Variants in DACH2 observed in about 807,000 individuals in gnomAD.
DACH2 encodes the protein dachshund homolog 2.
A neutral mutation model predicts 35.8 loss-of-function variants in DACH2; 17 were observed. The observed-to-expected ratio is 0.48, with a 90% CI of 0.33 to 0.71. DACH2 has a LOEUF of 0.71. DACH2 is among the 30% of genes least tolerant of loss of function. The pLI, the probability that DACH2 is intolerant of heterozygous loss-of-function variation, is 0.02. For synonymous variants in DACH2, 195 were observed against 177.3 expected (o/e 1.10, Z -0.79); for missense variants, 469 against 472.7 (o/e 0.99, Z 0.07).
chrX:86,195,774 G>C (rs2147896342), intron 1 of DACH2, among the ~76,000 whole-genome samples: 1 of 111,243 alleles, frequency 9.0e-6, no homozygotes, highest in Non-Finnish European at 1.9e-5. Context: ...CAAAGTCAGG[G>C]CCCAATACAA....
chrX:86,325,306 G>T (rs1194932127), intron 1 of DACH2, among the ~76,000 whole-genome samples: 1 of 111,381 alleles, frequency 9.0e-6, no homozygotes, highest in African/African-American at 3.3e-5. Context: ...TATGCCACAG[G>T]TTCCACCAGA....
chrX:86,496,144 TTA>T (rs1339577094), intron 2 of DACH2, among the ~76,000 whole-genome samples: 1 of 111,678 alleles, frequency 9.0e-6, no homozygotes, highest in East Asian at 2.8e-4. Flanking sequence ...ATAACTATTA[TTA>T]TCATTGATTT....
intron 4 of DACH2, among the ~76,000 whole-genome samples, chrX:86,688,051 G>A (rs1275928804): frequency 9.0e-6 from 1 of 110,769 alleles, no homozygotes; most frequent in Non-Finnish European, 1.9e-5. Context: ...TAAAAAAAAA[G>A]AAAGAAAGAA....
At chrX:86,552,149 A>G (rs1260349102) in intron 3 of DACH2, among the ~76,000 whole-genome samples, 1 of 111,571 alleles carries the variant, frequency 9.0e-6, no homozygotes, top group East Asian at 2.8e-4. Context: ...TTGTAACCTT[A>G]TTACTGACTC....
At chrX:86,224,724 C>T (rs1412808889) in intron 1 of DACH2, among the ~76,000 whole-genome samples, 1 of 111,135 alleles carries the variant, frequency 9.0e-6, no homozygotes, top group South Asian at 3.7e-4. Context: ...AATCCTATTC[C>T]TGAAATGATG....
chrX:86,257,447 CT>C (rs1346379702), intron 1 of DACH2, among the ~76,000 whole-genome samples: 27 of 105,644 alleles, frequency 2.6e-4, no homozygotes, highest in Non-Finnish European at 2.0e-4. Flanking sequence ...GAACCAATTT[CT>C]TTTTTTTTTT....
intron 3 of DACH2, among the ~76,000 whole-genome samples, chrX:86,617,596 C>A (rs1230279258): frequency 9.0e-6 from 1 of 111,023 alleles, no homozygotes; most frequent in African/African-American, 3.3e-5. Flanking sequence ...CTTTTTTTTA[C>A]AAATATTGGT....
chrX:86,756,731 C>A (rs12687284), intron 7 of DACH2, among the ~76,000 whole-genome samples: 2 of 110,015 alleles, frequency 1.8e-5, no homozygotes, highest in Non-Finnish European at 3.8e-5. Flanking sequence ...TTATTTCTTT[C>A]TTTTATGTAA....
intron 1 of DACH2, among the ~76,000 whole-genome samples, chrX:86,165,537 G>A (rs889529891): frequency 3.9e-4 from 43 of 110,917 alleles, no homozygotes; most frequent in African/African-American, 1.3e-3. Flanking sequence ...TGGGGTGAGA[G>A]GGTATCTCAT....
intron 3 of DACH2, among the ~76,000 whole-genome samples, chrX:86,622,931 G>T (rs772017490): frequency 9.0e-6 from 1 of 111,604 alleles, no homozygotes; most frequent in South Asian, 3.7e-4. Context: ...TGGCAGTGAA[G>T]GTATGTTTGT....
intron 3 of DACH2, among the ~76,000 whole-genome samples, chrX:86,609,800 CT>C (rs1222057460): frequency 9.0e-6 from 1 of 111,505 alleles, no homozygotes; most frequent in African/African-American, 3.3e-5. Context: ...CCCTTACCTT[CT>C]CCCCCACAAA....
intron 2 of DACH2, among the ~76,000 whole-genome samples, chrX:86,402,020 T>C (rs1243074960): frequency 1.8e-5 from 2 of 112,052 alleles, no homozygotes; most frequent in South Asian, 7.4e-4. Flanking sequence ...AGTCTAGGCA[T>C]TGAAGGGGCA....
intron 3 of DACH2, among the ~76,000 whole-genome samples, chrX:86,646,969 A>T (rs948481295): frequency 7.3e-5 from 8 of 109,973 alleles, no homozygotes; most frequent in African/African-American, 2.6e-4. Flanking sequence ...CAAAACCGTA[A>T]TGAGATATCA....
intron 3 of DACH2, among the ~76,000 whole-genome samples, chrX:86,600,187 T>C (rs1366679520): frequency 8.9e-6 from 1 of 111,945 alleles, no homozygotes; most frequent in African/African-American, 3.3e-5. Flanking sequence ...GCTATTCTCA[T>C]CGAGATTTAG....
chrX:86,217,125 A>T (rs1209783988), intron 1 of DACH2, among the ~76,000 whole-genome samples: 2 of 109,899 alleles, frequency 1.8e-5, no homozygotes, highest in African/African-American at 3.3e-5. Flanking sequence ...GAAAAGAAAC[A>T]GAAGTGTTAT....
At chrX:86,546,939 G>T (rs1396029180) in intron 3 of DACH2, among the ~76,000 whole-genome samples, 3 of 110,801 alleles carry the variant, frequency 2.7e-5, no homozygotes, top group African/African-American at 6.6e-5. Context: ...ATTTTCACTT[G>T]TTTTTAATGA....
chrX:86,251,781 G>A (rs946276341), intron 1 of DACH2, among the ~76,000 whole-genome samples: 4 of 111,560 alleles, frequency 3.6e-5, no homozygotes, highest in African/African-American at 1.3e-4. Flanking sequence ...TTGCAGTTGC[G>A]AATTGTGCTG....
chrX:86,188,410 A>G (rs767248945), intron 1 of DACH2, among the ~76,000 whole-genome samples: 1 of 111,653 alleles, frequency 9.0e-6, no homozygotes, highest in African/African-American at 3.3e-5. Flanking sequence ...TGGTGGCTAG[A>G]CCACCGATCT....
chrX:86,690,218 G>T (rs1327157814), intron 4 of DACH2, among the ~76,000 whole-genome samples: 2 of 111,644 alleles, frequency 1.8e-5, no homozygotes, highest in Non-Finnish European at 3.8e-5. Context: ...ATACCCATTT[G>T]AAACATTTTG....
Sources: gnomAD v4.1 joint callset for allele counts (sites outside exome capture counted in the v4.1 genomes callset) on GRCh38, gnomAD v4.1.1 for gene constraint, MANE v1.5 for transcripts, NCBI Gene and HGNC (gene_info 2026-07-23, HGNC 2026-07-21) for gene names.